The following SYNRG variants were observed in gnomAD, a reference collection of about 807,000 sequenced individuals.
SYNRG encodes synergin gamma.
SYNRG carries 37 observed loss-of-function variants against 130.9 expected under a neutral mutation model. The observed-to-expected ratio is 0.28, with a 90% CI of 0.22 to 0.37. The LOEUF (loss-of-function observed/expected upper bound fraction) is 0.37. Among genes scored for constraint, SYNRG ranks in the 10% least tolerant of loss-of-function variants. SYNRG has a pLI of 1.00. For missense variants in SYNRG, 1,338 were observed against 1,588.9 expected (o/e 0.84, Z 2.68); for synonymous variants, 539 against 568.1 (o/e 0.95, Z 0.73).
chr17:37,565,992 C>T (rs1359328598), intron 11 of SYNRG, among the ~76,000 whole-genome samples: 2 of 136,284 alleles, frequency 1.5e-5, no homozygotes, highest in Admixed American at 7.4e-5. Flanking sequence ...CGGCCAGCCG[C>T]CCCGTCCGGG....
intron 16 of SYNRG, among the ~76,000 whole-genome samples, chr17:37,540,171 G>C (rs924043765): frequency 6.6e-6 from 1 of 152,182 alleles, no homozygotes; most frequent in South Asian, 2.1e-4. Context: ...TAGGGTCACT[G>C]ATTAGTTTCA....
At chr17:37,563,317 GT>G (rs2059681729) in intron 11 of SYNRG, among the ~76,000 whole-genome samples, 1 of 152,092 alleles carries the variant, frequency 6.6e-6, no homozygotes, top group Non-Finnish European at 1.5e-5. Flanking sequence ...CTACTAAAAG[GT>G]AAGACTTAAA....
intron 11 of SYNRG, among the ~76,000 whole-genome samples, chr17:37,565,440 G>A (rs1334715583): frequency 4.7e-4 from 71 of 152,208 alleles, no homozygotes; most frequent in Non-Finnish European, 1.9e-4. Context: ...AAAGTGCCGA[G>A]ATTGCAGCCT....
At position 37,553,119 on chromosome 17, in the gene SYNRG, A is replaced by G. The variant is rs773967025; in HGVS notation, c.2604T>C (p.Ala868=). The G allele has an allele frequency of 3.1e-6, 5 of 1,610,442 alleles. No individual in the cohort carries two copies. The South Asian group carries it at 4.4e-5, about 14-fold the overall frequency. ...GCAATCTCACCAATTCCTCACCTGC[A>G]GCAGGAGGATGCTGGCCACTAACTG... is the stretch of plus-strand genomic sequence containing the variant. The part of the protein sequence containing the change: ...LPTVSGQHPP[A]ADIEDLKYAA... Residue 868 remains alanine (A), a synonymous_variant, in exon 14 of 22, where the codon GCT becomes GCC. Transcript: ENST00000612223.
intron 1 of SYNRG, among the ~76,000 whole-genome samples, 194 bp downstream of exon 1, chr17:37,609,085 G>A (rs1413361525): frequency 6.8e-6 from 1 of 147,982 alleles, no homozygotes; most frequent in Non-Finnish European, 1.5e-5. Flanking sequence ...GCCCCCAACT[G>A]ATCCCGGAAC....
At chr17:37,590,047 T>G (rs2062023980) in intron 3 of SYNRG, among the ~76,000 whole-genome samples, 1 of 151,906 alleles carries the variant, frequency 6.6e-6, no homozygotes, top group Non-Finnish European at 1.5e-5. Context: ...GGGGCATGCC[T>G]GTAGTCCCAG....
intron 3 of SYNRG, among the ~76,000 whole-genome samples, chr17:37,589,829 A>G (rs1471133864): frequency 1.3e-5 from 2 of 151,872 alleles, no homozygotes; most frequent in Non-Finnish European, 2.9e-5. Context: ...ACATCCTTCT[A>G]CCACACACTG....
chr17:37,528,415 G>A lies in SYNRG; in HGVS notation c.3666+7564C>T, dbSNP rs541507066. On this transcript the variant is annotated intron_variant, in intron 19 of 21. Coordinates refer to ENST00000612223, the MANE Select transcript of SYNRG (RefSeq NM_007247.6). ...ATGTAAAGCATATAGCACAAGGATC[G>A]GCAGGCCCTAGGTGCAAAATATTAA... 1.1e-4 allele frequency among the ~76,000 whole-genome samples: 17 copies of A among 152,246 alleles called. No homozygotes were observed. In the South Asian group the frequency reaches 3.1e-3, roughly 28 times the overall value.
At chr17:37,555,676 G>GT (rs1403129213) in intron 13 of SYNRG, among the ~76,000 whole-genome samples, 2 of 152,176 alleles carry the variant, frequency 1.3e-5, no homozygotes, top group Admixed American at 6.5e-5. Flanking sequence ...CAAGGAGGGT[G>GT]TATCACTTGA....
chr17:37,607,600 C>T (rs531060225), intron 1 of SYNRG, among the ~76,000 whole-genome samples: 1 of 152,264 alleles, frequency 6.6e-6, no homozygotes, highest in East Asian at 1.9e-4. Flanking sequence ...ACCAGCCTGG[C>T]TAACATGGTG....
chr17:37,581,091 G>A (rs2061294231), intron 6 of SYNRG, among the ~76,000 whole-genome samples: 1 of 152,152 alleles, frequency 6.6e-6, no homozygotes, highest in African/African-American at 2.4e-5. Context: ...AACCCTGCCT[G>A]AAGACTACAA....
At chr17:37,546,411 A>G (rs913156890) in intron 14 of SYNRG, among the ~76,000 whole-genome samples, 1 of 152,226 alleles carries the variant, frequency 6.6e-6, no homozygotes, top group African/African-American at 2.4e-5. Flanking sequence ...TTGTTGTTTT[A>G]ATGCATACAT....
chr17:37,583,973 G>A (rs995539732), intron 6 of SYNRG, among the ~76,000 whole-genome samples: 5 of 152,194 alleles, frequency 3.3e-5, no homozygotes, highest in African/African-American at 1.2e-4. Context: ...TGGGATTACA[G>A]GCATGAGCCA....
chr17:37,561,206 T>C lies in SYNRG; in HGVS notation c.1652A>G (p.Asn551Ser), dbSNP rs971031295. 2 of 1,613,420 alleles carry C rather than the reference T, an allele frequency of 1.2e-6. No individual in the cohort carries two copies. Among genetic ancestry groups the C allele is most frequent in the Non-Finnish European group, 1.7e-6 (2 of 1,179,836 alleles). ...AFRELEQTAENKPLGESFAEF... is the reference protein window; with the variant it reads ...AFRELEQTAESKPLGESFAEF... ...ACTCAAAAACTTACCTAAAGGTTTA[T>C]TCTCTGCTGTCTGTTCAAGTTCTCT... Residue 551 changes from asparagine to serine, a missense_variant, in exon 13 of 22, where the codon AAT becomes AGT. This residue lies in a region of SYNRG where 1,146 missense variants were observed against 1,342.3 expected (regional missense o/e 0.85). Transcript: ENST00000612223.
At chr17:37,519,143 ATG>A in intron 21 of SYNRG, 72 bp from the exon 22 acceptor site, 1 of 1,572,548 alleles carries the variant, frequency 6.4e-7, no homozygotes, top group Non-Finnish European at 8.7e-7. Flanking sequence ...AGCAACCAAC[ATG>A]TACATCTATC....
At chr17:37,588,527 T>C (rs762595037) in intron 3 of SYNRG, among the ~76,000 whole-genome samples, 3 of 152,136 alleles carry the variant, frequency 2.0e-5, no homozygotes, top group Non-Finnish European at 4.4e-5. Flanking sequence ...CCTCCCAAAG[T>C]GCTGGGATTA....
intron 3 of SYNRG, among the ~76,000 whole-genome samples, chr17:37,590,890 A>G (rs547542679): frequency 1.3e-5 from 2 of 152,216 alleles, no homozygotes; most frequent in African/African-American, 4.8e-5. Flanking sequence ...ACTGCACTCC[A>G]AGCCTGGGCG....
chr17:37,598,461 T>TA (rs2062973134), intron 2 of SYNRG, among the ~76,000 whole-genome samples: 1 of 152,254 alleles, frequency 6.6e-6, no homozygotes, highest in South Asian at 2.1e-4. Flanking sequence ...TCTTTGGACT[T>TA]AAAGTTTTAT....
chr17:37,536,092 C>G lies in SYNRG; in HGVS notation c.3553G>C (p.Glu1185Gln). 2.5e-6 allele frequency: 4 copies of G among 1,613,986 alleles called. No homozygotes were observed. Among genetic ancestry groups the G allele is most frequent in the Non-Finnish European group, 1.7e-6 (2 of 1,179,972 alleles). Residue 1185 changes from glutamate (E) to glutamine (Q), a missense_variant, in exon 19 of 22, where the codon GAG (glutamate) becomes CAG (glutamine). By Grantham distance (29) the Glu-to-Gln change is conservative. Around this residue, in one of 3 missense-constraint regions of SYNRG, gnomAD observed 1,146 missense variants for 1,342.3 expected, o/e 0.85. Transcript: ENST00000612223. ...ACTGCAGTGGCTTTTATCCCCAGCTCCACACGCTTGGTTACCCTGTACACT... is the reference window on the plus strand; with the variant it reads ...ACTGCAGTGGCTTTTATCCCCAGCTGCACACGCTTGGTTACCCTGTACACT... ...VEVYRVTKRV[E>Q]LGIKATAVCS...
Sources: gnomAD v4.1 joint callset for allele counts (sites outside exome capture counted in the v4.1 genomes callset) on GRCh38, gnomAD v4.1.1 for gene constraint, gnomAD v4.1.1 regional missense constraint, MANE v1.5 for transcripts, NCBI Gene and HGNC (gene_info 2026-07-23, HGNC 2026-07-21) for gene names.